The following WNK1 variants were observed in gnomAD, a reference collection of about 807,000 sequenced individuals.
WNK1 encodes the protein serine/threonine-protein kinase WNK1.
A neutral mutation model predicts 222.8 loss-of-function variants in WNK1; 38 were observed. The observed-to-expected ratio is 0.17, with a 90% CI of 0.13 to 0.22. The LOEUF (loss-of-function observed/expected upper bound fraction) is 0.22. WNK1 is among the 10% of genes least tolerant of loss of function. The pLI is 1.00. For missense variants in WNK1, 2,348 were observed against 2,918.4 expected (o/e 0.80, Z 4.50); for synonymous variants, 1,090 against 1,092.9 (o/e 1.00, Z 0.05).
rs765372764 is a variant in WNK1 at position 854,355 on chromosome 12, C to CTTTTTTTTTTT, written c.1312-2805_1312-2795dup. On this transcript the variant is annotated intron_variant, in intron 4 of 27. Coordinates refer to ENST00000315939, the MANE Select transcript of WNK1 (RefSeq NM_018979.4). ...CAACAGAGCAAGAACTTATCATTAT[C>CTTTTTTTTTTT]TTTTTTTTTTTGTTTTTTTTGAGAC... is the stretch of plus-strand genomic sequence containing the variant. Among the ~76,000 whole-genome samples, 7 of 97,744 alleles carry CTTTTTTTTTTT rather than the reference C, an allele frequency of 7.2e-5. 1 individual carries two copies. Among genetic ancestry groups the CTTTTTTTTTTT allele is most frequent in the South Asian group, 4.1e-4 (1 of 2,448 alleles). The allele number at this position is 97,744 out of a possible 152,430, so 64.1% of individuals were successfully genotyped here.
At chr12:851,883 A>G in intron 4 of WNK1, 1 of 1,010,440 alleles carries the variant, frequency 9.9e-7, no homozygotes, top group Non-Finnish European at 1.3e-6. Context: ...TTTCAGTTAA[A>G]GTATTGAAAT....
intron 2 of WNK1, among the ~76,000 whole-genome samples, chr12:823,253 C>A (rs563306382): frequency 6.6e-6 from 1 of 152,146 alleles, no homozygotes; most frequent in Non-Finnish European, 1.5e-5. Flanking sequence ...TAGTGTTTCT[C>A]ATTGTGGATC....
At position 862,183 on chromosome 12, in the gene WNK1, A is replaced by G. The variant is rs72648690; in HGVS notation, c.2052A>G (p.Ala684=). ...CATATGGTTCCCAACATGAACAGGCACATTCTACAGGCACAGTCCCAGGGC... is the reference window on the plus strand; with the variant it reads ...CATATGGTTCCCAACATGAACAGGCGCATTCTACAGGCACAGTCCCAGGGC... ...TVSYGSQHEQ[A]HSTGTVPGHI... is the part of the protein sequence containing the mutation. Residue 684 remains alanine (A), a synonymous_variant, in exon 8 of 28, where the codon GCA becomes GCG. Transcript: ENST00000315939. 6.4e-4 allele frequency: 1,038 copies of G among 1,614,170 alleles called. 6 individuals carry two copies. The African/African-American group carries it at 0.013, about 20-fold the overall frequency.
At chr12:802,107 G>A (rs1945939128) in intron 1 of WNK1, among the ~76,000 whole-genome samples, 1 of 152,056 alleles carries the variant, frequency 6.6e-6, no homozygotes, top group African/African-American at 2.4e-5. Context: ...AGTATAATTG[G>A]GCATTATTAT....
intron 2 of WNK1, among the ~76,000 whole-genome samples, chr12:817,939 G>A (rs543629110): frequency 2.0e-5 from 3 of 152,072 alleles, no homozygotes; most frequent in Admixed American, 6.5e-5. Context: ...GTGACAGAGT[G>A]AGACTCCATC....
intron 1 of WNK1, among the ~76,000 whole-genome samples, chr12:777,182 G>A (rs1011651148): frequency 1.4e-5 from 1 of 69,502 alleles, no homozygotes. Context: ...TTTTTTTTTT[G>A]AGATGGAGTC....
intron 22 of WNK1, among the ~76,000 whole-genome samples, chr12:891,291 A>G (rs534350724): frequency 1.3e-5 from 2 of 152,262 alleles, no homozygotes; most frequent in South Asian, 4.1e-4. Flanking sequence ...GGCATGCACC[A>G]CCACACCTGG....
rs1955945010 is a variant in WNK1, at chr12:909,463, G to A, written c.*671G>A. ...ATGTAACTTTGCCATCAGTTTTGAT[G>A]TGGAAACACTGTGATATATAAAATG... is the stretch of plus-strand genomic sequence containing the variant. On this transcript the variant is annotated 3_prime_UTR_variant, in exon 28 of 28. Coordinates refer to ENST00000315939, the MANE Select transcript of WNK1 (RefSeq NM_018979.4). 6.6e-6 allele frequency: 1 copy of A among 152,200 alleles called. No individual in the cohort carries two copies. The highest frequency in any genetic ancestry group is 2.4e-5 in the African/African-American group (1 of 41,404). 9.4% of individuals were successfully genotyped at this position (152,200 alleles called of 1,614,324 possible). A position where few individuals can be genotyped will look rare whatever the true frequency, so the allele number is the denominator to read the frequency against.
At chr12:771,007 T>C (rs926229367) in intron 1 of WNK1, among the ~76,000 whole-genome samples, 1 of 152,156 alleles carries the variant, frequency 6.6e-6, no homozygotes, top group Non-Finnish European at 1.5e-5. Flanking sequence ...ATTTTCTTTT[T>C]TTTTGGAGAC....
intron 20 of WNK1, 75 bp from the exon 21 acceptor site, chr12:889,065 C>T (rs1291700691): frequency 9.3e-7 from 1 of 1,078,820 alleles, no homozygotes; most frequent in East Asian, 2.4e-5. Flanking sequence ...AACAGTGTGT[C>T]CTATCTAAAT....
chr12:908,861 G>GGGGGGGGGGGGGGCCC lies in WNK1; in HGVS notation c.*69_*70insGGGGGGGGGGGGGCCC. The GGGGGGGGGGGGGGCCC allele has an allele frequency of 1.2e-5, 6 of 491,840 alleles. No individual in the cohort carries two copies. Among genetic ancestry groups the GGGGGGGGGGGGGGCCC allele is most frequent in the East Asian group, 6.0e-5 (1 of 16,746 alleles). 30.5% of individuals were successfully genotyped at this position (491,840 alleles called of 1,614,324 possible). A position where few individuals can be genotyped will look rare whatever the true frequency, so the allele number is the denominator to read the frequency against. On this transcript the variant is annotated 3_prime_UTR_variant, in exon 28 of 28. Coordinates refer to ENST00000315939, the MANE Select transcript of WNK1 (RefSeq NM_018979.4). ...ATGCTGAGGGGGTGGGTGGGGGTGG[G>GGGGGGGGGGGGGGCCC]AAGTAGCCTATATACTAACTACTAG...
chr12:789,668 G>A (rs945312852), intron 1 of WNK1, among the ~76,000 whole-genome samples: 2 of 151,728 alleles, frequency 1.3e-5, no homozygotes, highest in Non-Finnish European at 2.9e-5. Context: ...GACTACAGGT[G>A]TATGCCACCA....
chr12:837,300 G>A (rs114405196), intron 4 of WNK1, among the ~76,000 whole-genome samples: 2 of 152,192 alleles, frequency 1.3e-5, no homozygotes, highest in African/African-American at 2.4e-5. Context: ...AGGGCTGGGC[G>A]CAGTGGCTCA....
intron 4 of WNK1, among the ~76,000 whole-genome samples, chr12:833,907 T>C (rs1311832491): frequency 6.6e-6 from 1 of 152,200 alleles, no homozygotes; most frequent in Non-Finnish European, 1.5e-5. Context: ...TCATATTCCC[T>C]GTCTTCAGAA....
intron 8 of WNK1, chr12:868,069 C>T (rs746562703): frequency 2.5e-6 from 4 of 1,613,910 alleles, no homozygotes; most frequent in East Asian, 4.5e-5. Flanking sequence ...GGACTGTTGG[C>T]CAAAGTCTTC....
intron 2 of WNK1, among the ~76,000 whole-genome samples, chr12:820,466 G>GTTTTTTTTT (rs3072715): frequency 1.1e-5 from 1 of 89,156 alleles, no homozygotes; most frequent in Non-Finnish European, 2.2e-5. Context: ...ATTCTTTGGG[G>GTTTTTTTTT]TTTTTTTTTT....
intron 22 of WNK1, 22 bp from the exon 23 acceptor site, chr12:894,540 C>T: frequency 6.2e-7 from 1 of 1,600,598 alleles, no homozygotes; most frequent in Non-Finnish European, 8.6e-7. Context: ...TTATGTTTTC[C>T]TCATCCATGT....
At position 818,771 on chromosome 12, in the gene WNK1, C is replaced by T. The variant is rs1346498253; in HGVS notation, c.932+4957C>T. 4.6e-5 allele frequency among the ~76,000 whole-genome samples: 7 copies of T among 152,254 alleles called. No homozygotes were observed. In the South Asian group the frequency reaches 8.3e-4, roughly 18 times the overall value. ...CGTCTTTCACTTAGCATGGTGTTTT[C>T]GAGGATCATCGTGATTGCACGCATC... On this transcript the variant is annotated intron_variant, in intron 2 of 27. Transcript: ENST00000315939.
At chr12:779,742 C>T (rs190723782) in intron 1 of WNK1, among the ~76,000 whole-genome samples, 9 of 152,174 alleles carry the variant, frequency 5.9e-5, no homozygotes, top group Non-Finnish European at 1.0e-4. Context: ...CACATACAGC[C>T]GTGTGAATTG....
Sources: gnomAD v4.1 joint callset for allele counts (sites outside exome capture counted in the v4.1 genomes callset) on GRCh38, gnomAD v4.1.1 for gene constraint, MANE v1.5 for transcripts, NCBI Gene and HGNC (gene_info 2026-07-23, HGNC 2026-07-21) for gene names.